BICD1: variants seen among roughly 807,000 people sequenced by gnomAD.
BICD1 encodes BICD cargo adaptor 1.
Under a neutral mutation model 92.5 loss-of-function variants are expected in BICD1, and 35 were observed. That is an observed-to-expected ratio of 0.38 (90% CI 0.29 to 0.50). The LOEUF is 0.50. Ranked by LOEUF, BICD1 falls within the 20% of genes least tolerant of loss-of-function variation. The probability of loss-of-function intolerance (pLI) is 0.93; values close to 1 mark genes in which losing one functional copy is unlikely to be tolerated. For synonymous variants in BICD1, 429 were observed against 465.1 expected (o/e 0.92, Z 1.00); for missense variants, 950 against 1,189.8 (o/e 0.80, Z 2.97).
At chr12:32,293,537 C>T (rs944131307) in intron 2 of BICD1, among the ~76,000 whole-genome samples, 1 of 151,562 alleles carries the variant, frequency 6.6e-6, no homozygotes, top group African/African-American at 2.4e-5. Flanking sequence ...ACCATGTTGG[C>T]CAGGTTGGTC....
chr12:32,355,676 C>T (rs1237528219), intron 8 of BICD1, among the ~76,000 whole-genome samples: 2 of 152,018 alleles, frequency 1.3e-5, no homozygotes, highest in Admixed American at 6.6e-5. Context: ...GTAGCATGCA[C>T]GTGTAATCCC....
At chr12:32,139,483 G>A (rs113234153) in intron 1 of BICD1, among the ~76,000 whole-genome samples, 192 of 152,238 alleles carry the variant, frequency 1.3e-3, no homozygotes, top group African/African-American at 4.4e-3. Flanking sequence ...TCCCTTACAC[G>A]TCGCTCAGTA....
chr12:32,245,429 A>T (rs1169270082), intron 2 of BICD1, among the ~76,000 whole-genome samples: 1 of 152,156 alleles, frequency 6.6e-6, no homozygotes, highest in African/African-American at 2.4e-5. Context: ...TATTTGGAAC[A>T]CAAGCTGTTT....
At chr12:32,200,903 G>A (rs1944888300) in intron 1 of BICD1, among the ~76,000 whole-genome samples, 1 of 152,120 alleles carries the variant, frequency 6.6e-6, no homozygotes, top group African/African-American at 2.4e-5. Flanking sequence ...ACAGAACAAA[G>A]GAAATAATAT....
chr12:32,331,375 C>T, intron 5 of BICD1, among the ~76,000 whole-genome samples: 1 of 152,162 alleles, frequency 6.6e-6, no homozygotes, highest in Non-Finnish European at 1.5e-5. Context: ...CACAGGAAAT[C>T]AGAACAGAAC....
chr12:32,317,963 T>C (rs1459337096), intron 4 of BICD1, among the ~76,000 whole-genome samples: 2 of 151,918 alleles, frequency 1.3e-5, no homozygotes, highest in African/African-American at 2.4e-5. Flanking sequence ...ATTTATTAAA[T>C]AGGGAATCCT....
At chr12:32,215,351 C>G (rs914374292) in intron 1 of BICD1, among the ~76,000 whole-genome samples, 1 of 146,666 alleles carries the variant, frequency 6.8e-6, no homozygotes, top group African/African-American at 2.8e-5. Flanking sequence ...TTAGTTTCTA[C>G]TTTTTTCTTC....
At chr12:32,333,268 A>G in intron 5 of BICD1, 5 of 984,548 alleles carry the variant, frequency 5.1e-6, no homozygotes, top group Non-Finnish European at 6.0e-6. Flanking sequence ...TAATTTTCTG[A>G]ATCTGTAATA....
chr12:32,107,337 C>T lies in BICD1; in HGVS notation c.6C>T (p.Ala2=), dbSNP rs746676328. 2 of 1,601,752 alleles carry T rather than the reference C, an allele frequency of 1.2e-6. No homozygotes were observed. Among genetic ancestry groups the T allele is most frequent in the Non-Finnish European group, 1.7e-6 (2 of 1,174,682 alleles). The change falls in exon 1 of 10, where the codon GCC becomes GCT. Residue 2 remains alanine (A), a synonymous_variant. Transcript: ENST00000652176. ...TGCCTCCATCCACCGGGGCTATGGC[C>T]GCAGAAGAGGTATTGCAGACGGTGG... M[A]AEEVLQTVDH...
At chr12:32,284,974 C>G (rs1947524639) in intron 2 of BICD1, among the ~76,000 whole-genome samples, 1 of 152,140 alleles carries the variant, frequency 6.6e-6, no homozygotes, top group Non-Finnish European at 1.5e-5. Flanking sequence ...TTTTCTGTTT[C>G]TGTCTTCTCT....
intron 1 of BICD1, among the ~76,000 whole-genome samples, chr12:32,117,003 A>G (rs920503898): frequency 5.9e-5 from 9 of 151,982 alleles, no homozygotes; most frequent in African/African-American, 2.2e-4. Context: ...CTGATATGTT[A>G]CGTTTGTTTT....
At chr12:32,168,007 C>T (rs1013123730) in intron 1 of BICD1, among the ~76,000 whole-genome samples, 2 of 149,790 alleles carry the variant, frequency 1.3e-5, no homozygotes, top group South Asian at 2.1e-4. Flanking sequence ...AAGGAGATGG[C>T]GTGTGTGTGT....
chr12:32,133,825 A>G (rs1225900995), intron 1 of BICD1, among the ~76,000 whole-genome samples: 1 of 137,610 alleles, frequency 7.3e-6, no homozygotes, highest in African/African-American at 2.7e-5. Context: ...TCTGTCCCCC[A>G]GGCTGGAGTG....
At position 32,258,455 on chromosome 12, in the gene BICD1, CGTGT is replaced by C. The variant is rs955074452; in HGVS notation, c.427-35535_427-35532del. Among the ~76,000 whole-genome samples the C allele has an allele frequency of 3.3e-5, 5 of 151,818 alleles. No homozygotes were observed. The East Asian group carries it at 5.8e-4, about 18-fold the overall frequency. Reference sequence around the variant, plus strand: ...TATGGGGCTTAGCGGGTGTTCTCTCCGTGTGTGGAAACGAGAGATCTAAGAAATA... The same window carrying C: ...TATGGGGCTTAGCGGGTGTTCTCTCCGTGGAAACGAGAGATCTAAGAAATA... On this transcript the variant is annotated intron_variant, in intron 2 of 9. Transcript: ENST00000652176.
chr12:32,257,986 A>G (rs564547406), intron 2 of BICD1, among the ~76,000 whole-genome samples: 7 of 152,324 alleles, frequency 4.6e-5, no homozygotes, highest in African/African-American at 1.7e-4. Context: ...TGAAAGAGCT[A>G]CTATGAACAT....
intron 9 of BICD1, among the ~76,000 whole-genome samples, chr12:32,375,013 G>A (rs1212200150): frequency 7.2e-6 from 1 of 138,110 alleles, no homozygotes; most frequent in African/African-American, 2.7e-5. Context: ...CCGCCTCCCG[G>A]GTTCACGCCA....
intron 8 of BICD1, chr12:32,340,479 G>C (rs1403689858): frequency 9.1e-6 from 9 of 984,672 alleles, no homozygotes; most frequent in Non-Finnish European, 1.1e-5. Context: ...GTTCCAAATG[G>C]ATTTAGTAGC....
intron 1 of BICD1, among the ~76,000 whole-genome samples, chr12:32,121,997 G>A (rs1402272499): frequency 1.3e-5 from 2 of 151,662 alleles, no homozygotes; most frequent in East Asian, 1.9e-4. Context: ...TGTATTTTTT[G>A]TAGAGACAGT....
intron 1 of BICD1, among the ~76,000 whole-genome samples, chr12:32,151,485 G>A (rs988971105): frequency 2.0e-5 from 3 of 152,194 alleles, no homozygotes; most frequent in South Asian, 4.1e-4. Flanking sequence ...AGACATGCAC[G>A]TGCCAACCCA....
Sources: allele counts gnomAD v4.1 joint callset (sites outside exome capture counted in the v4.1 genomes callset), GRCh38; gene constraint gnomAD v4.1.1; transcripts MANE v1.5; gene names NCBI Gene and HGNC (gene_info 2026-07-23, HGNC 2026-07-21).